Variants in LAP3 observed in about 807,000 individuals in gnomAD.
LAP3 encodes cytosol aminopeptidase.
A neutral mutation model predicts 58.8 loss-of-function variants in LAP3; 46 were observed. That is an observed-to-expected ratio of 0.78 (90% CI 0.62 to 1.00). The LOEUF (loss-of-function observed/expected upper bound fraction) is 1.00. Ranked by LOEUF, LAP3 falls within the 50% of genes least tolerant of loss-of-function variation. The pLI is 0.00. For missense variants in LAP3, 615 were observed against 659.1 expected (o/e 0.93, Z 0.73); for synonymous variants, 257 against 237.7 (o/e 1.08, Z -0.75).
chr4:17,601,619 A>G (rs1206640106), intron 10 of LAP3, among the ~76,000 whole-genome samples: 1 of 152,178 alleles, frequency 6.6e-6, no homozygotes, highest in Non-Finnish European at 1.5e-5. Context: ...CCCCTCAGAT[A>G]CCAAACCCAC....
At chr4:17,603,345 G>T (rs907120468) in intron 10 of LAP3, among the ~76,000 whole-genome samples, 5 of 151,854 alleles carry the variant, frequency 3.3e-5, no homozygotes, top group Admixed American at 2.6e-4. Flanking sequence ...CATACAGGAT[G>T]GCCTTGTTTT....
chr4:17,603,758 C>T (rs999565664), intron 10 of LAP3, among the ~76,000 whole-genome samples: 2 of 151,800 alleles, frequency 1.3e-5, no homozygotes, highest in Non-Finnish European at 2.9e-5. Context: ...AGGTGATCCA[C>T]CCGCCTCAGC....
In LAP3 at chr4:17,603,977, C is replaced by T. The variant is rs577965621; in HGVS notation, c.1181-611C>T. Among the ~76,000 whole-genome samples, 16 of 152,002 alleles carry T rather than the reference C, an allele frequency of 1.1e-4. No individual in the cohort carries two copies. In the East Asian group the frequency reaches 1.4e-3, roughly 13 times the overall value. On this transcript the variant is annotated intron_variant, in intron 10 of 12. Transcript: ENST00000226299. ...TGAGTAGCTGGGATTACAGGCACCA[C>T]GCTCAGCTAATTTTTGTATTTTTAG...
At chr4:17,580,185 T>TATATATATACA in intron 2 of LAP3, among the ~76,000 whole-genome samples, 1 of 32,076 alleles carries the variant, frequency 3.1e-5, no homozygotes, top group African/African-American at 1.8e-4. Context: ...TATATATGTA[T>TATATATATACA]TTTTTTTTTT....
At chr4:17,590,840 G>A (rs187278836) in intron 7 of LAP3, among the ~76,000 whole-genome samples, 7 of 151,946 alleles carry the variant, frequency 4.6e-5, no homozygotes, top group Non-Finnish European at 7.4e-5. Flanking sequence ...GAACTGCTGG[G>A]ATTACAGGCG....
intron 10 of LAP3, among the ~76,000 whole-genome samples, chr4:17,600,165 A>G (rs1019147320): frequency 7.2e-5 from 11 of 151,866 alleles, no homozygotes; most frequent in Non-Finnish European, 1.6e-4. Flanking sequence ...TTAAAGTCAG[A>G]CTCTACCTCT....
At chr4:17,592,810 G>A (rs1713721675) in intron 7 of LAP3, among the ~76,000 whole-genome samples, 1 of 152,154 alleles carries the variant, frequency 6.6e-6, no homozygotes, top group Admixed American at 6.5e-5. Context: ...AATGAAGTCG[G>A]TCATTTTTTA....
At chr4:17,583,444 GGACT>G (rs751793635) in intron 4 of LAP3, 35 bp from the exon 5 acceptor site, 1 of 1,610,902 alleles carries the variant, frequency 6.2e-7, no homozygotes, top group South Asian at 1.1e-5. Context: ...GAGTTGTCTT[GGACT>G]GACTCCAGTT....
At chr4:17,602,077 C>A (rs550129737) in intron 10 of LAP3, among the ~76,000 whole-genome samples, 105 of 152,296 alleles carry the variant, frequency 6.9e-4, no homozygotes, top group Non-Finnish European at 1.1e-3. Flanking sequence ...GGAGCAAATG[C>A]CACCTTGTGA....
At chr4:17,595,338 G>A in intron 7 of LAP3, 72 bp from the exon 8 acceptor site, 1 of 1,569,092 alleles carries the variant, frequency 6.4e-7, no homozygotes, top group South Asian at 1.1e-5. Context: ...GTGCCCATCT[G>A]TACTTTTTAA....
chr4:17,590,898 A>G lies in LAP3; in HGVS notation c.863+1921A>G, dbSNP rs188162598. Reference sequence around the variant, plus strand: ...AAAGTGTGTATTATAAAAACAATACAGCAAACACAATTTAGAAAGTTAAAC... The same window carrying G: ...AAAGTGTGTATTATAAAAACAATACGGCAAACACAATTTAGAAAGTTAAAC... On this transcript the variant is annotated intron_variant, in intron 7 of 12. Coordinates refer to ENST00000226299, the MANE Select transcript of LAP3 (RefSeq NM_015907.3). Among the ~76,000 whole-genome samples, 765 of 150,226 alleles carry G rather than the reference A, an allele frequency of 5.1e-3. 9 individuals are homozygous for G. Among genetic ancestry groups the G allele is most frequent in the African/African-American group, 0.018 (718 of 40,874 alleles).
At chr4:17,606,521 G>C (rs961781065) in intron 11 of LAP3, among the ~76,000 whole-genome samples, 21 of 152,038 alleles carry the variant, frequency 1.4e-4, no homozygotes, top group African/African-American at 5.1e-4. Context: ...TGCATTTTTA[G>C]TAGAGACAGC....
At chr4:17,595,680 A>G (rs910529865) in intron 8 of LAP3, 146 bp downstream of exon 8, 22 of 962,820 alleles carry the variant, frequency 2.3e-5, no homozygotes, top group African/African-American at 6.5e-5. Context: ...TTTAGCCCAG[A>G]TAAGTGTTTT....
Position 17,587,892 on chromosome 4 carries a change from TA to T in LAP3, c.705-926del, listed in dbSNP as rs550668162. On this transcript the variant is annotated intron_variant, in intron 6 of 12. Coordinates refer to ENST00000226299, the MANE Select transcript of LAP3 (RefSeq NM_015907.3). ...GTTCTTAAAAAGCAAATAAATAGGA[TA>T]TTTTTTTTCCAGTCATTGGGATATA... Among the ~76,000 whole-genome samples the T allele has an allele frequency of 3.8e-3, 579 of 152,188 alleles. 3 individuals are homozygous for T. Among genetic ancestry groups the T allele is most frequent in the Middle Eastern group, 0.01 (3 of 294 alleles).
chr4:17,584,158 G>C (rs924908100), intron 5 of LAP3, among the ~76,000 whole-genome samples: 1 of 152,272 alleles, frequency 6.6e-6, no homozygotes, highest in African/African-American at 2.4e-5. Context: ...GTTGGCAGCT[G>C]TGGGGAGTGG....
intron 11 of LAP3, among the ~76,000 whole-genome samples, chr4:17,606,083 G>T (rs944890172): frequency 6.6e-6 from 1 of 152,150 alleles, no homozygotes; most frequent in Non-Finnish European, 1.5e-5. Flanking sequence ...CACACCTGGT[G>T]GTGCTCAGTA....
intron 4 of LAP3, chr4:17,582,683 T>C (rs986210974): frequency 4.2e-6 from 1 of 236,912 alleles, no homozygotes; most frequent in Non-Finnish European, 8.3e-6. Context: ...GAACCTGTAG[T>C]GTATAGATTT....
chr4:17,592,409 ATTG>A (rs1377071806), intron 7 of LAP3, among the ~76,000 whole-genome samples: 1 of 151,992 alleles, frequency 6.6e-6, no homozygotes, highest in Non-Finnish European at 1.5e-5. Flanking sequence ...CTTCTTTTCT[ATTG>A]TTGAGTAGTG....
In LAP3 at chr4:17,583,595, C is replaced by A. The variant is rs777920387; in HGVS notation, c.492C>A (p.Asp164Glu). The A allele has an allele frequency of 3.7e-6, 6 of 1,613,976 alleles. No homozygotes were observed. Among genetic ancestry groups the A allele is most frequent in the Admixed American group, 3.3e-5 (2 of 59,986 alleles). ...TGCTTGGTCTCTATGAATACGATGA[C>A]CTAAAGCAAAAAAAGAAGATGGCTG... ...GAVLGLYEYD[D>E]LKQKKKMAVS... Residue 164 changes from aspartate (D) to glutamate (E), a missense_variant, in exon 5 of 13, where the codon GAC (aspartate) becomes GAA (glutamate). Physicochemically the swap from Asp to Glu is conservative, Grantham distance 45. Transcript: ENST00000226299.
Sources: allele counts gnomAD v4.1 joint callset (sites outside exome capture counted in the v4.1 genomes callset), GRCh38; gene constraint gnomAD v4.1.1; transcripts MANE v1.5; gene names NCBI Gene and HGNC (gene_info 2026-07-23, HGNC 2026-07-21).